TCF4: variants seen among roughly 807,000 people sequenced by gnomAD.
The protein encoded by TCF4 is transcription factor 4.
In TCF4, 3 loss-of-function variants were observed where a neutral mutation model predicts 82.1. The ratio of observed to expected loss-of-function variants is 0.04; its 90% CI spans 0.02 to 0.09. The LOEUF is 0.09. TCF4 is among the 10% of genes least tolerant of loss of function. The pLI is 1.00. For missense variants in TCF4, 518 were observed against 852.7 expected (o/e 0.61, Z 4.89); for synonymous variants, 276 against 309.6 (o/e 0.89, Z 1.14).
At chr18:55,328,364 G>A (rs1365601029) in intron 8 of TCF4, among the ~76,000 whole-genome samples, 1 of 151,294 alleles carries the variant, frequency 6.6e-6, no homozygotes, top group African/African-American at 2.4e-5. Context: ...TTTCCCTTGG[G>A]ATAAGTGGAA....
intron 3 of TCF4, among the ~76,000 whole-genome samples, chr18:55,527,831 T>C (rs2097006285): frequency 6.6e-6 from 1 of 152,182 alleles, no homozygotes; most frequent in Non-Finnish European, 1.5e-5. Flanking sequence ...GAGGAAGTTA[T>C]GAAAAGTGGT....
chr18:55,492,333 A>C (rs1246603557), intron 3 of TCF4: 1 of 152,190 alleles, frequency 6.6e-6, no homozygotes, highest in Non-Finnish European at 1.5e-5. Flanking sequence ...GTATGAATTT[A>C]ATGTTCATGT....
chr18:55,484,630 T>C (rs2096489790), intron 3 of TCF4, among the ~76,000 whole-genome samples: 1 of 152,204 alleles, frequency 6.6e-6, no homozygotes. Context: ...AAACCAGTCC[T>C]TGTGTGGACA....
intron 6 of TCF4, among the ~76,000 whole-genome samples, chr18:55,364,104 T>A (rs921284109): frequency 6.6e-6 from 1 of 152,196 alleles, no homozygotes; most frequent in African/African-American, 2.4e-5. Context: ...CTAATGGGAA[T>A]GTAATCTGGT....
At chr18:55,621,952 T>C (rs1250024168) in intron 2 of TCF4, among the ~76,000 whole-genome samples, 2 of 113,490 alleles carry the variant, frequency 1.8e-5, no homozygotes, top group African/African-American at 6.9e-5. Flanking sequence ...ACTATATATA[T>C]TATATATACA....
chr18:55,359,378 A>G (rs2084472867), intron 6 of TCF4, among the ~76,000 whole-genome samples: 1 of 152,094 alleles, frequency 6.6e-6, no homozygotes, highest in Admixed American at 6.6e-5. Context: ...GAAAAATTCA[A>G]CTGTTGTAAC....
Position 55,464,076 on chromosome 18 carries a change from C to G in TCF4, c.207G>C (p.Arg69Ser), listed in dbSNP as rs759654604. 2 of 1,613,122 alleles carry G rather than the reference C, an allele frequency of 1.2e-6. No homozygotes were observed. The highest frequency in any genetic ancestry group is 1.7e-6 in the Non-Finnish European group (2 of 1,179,570). Reference sequence around the variant, plus strand: ...GGGAGAAAAGATTAGATATACTTACCCTGGACGGGCTTGGATGTCCTCCAT... The same window carrying G: ...GGGAGAAAAGATTAGATATACTTACGCTGGACGGGCTTGGATGTCCTCCAT... ...WGNGGHPSPS[R>S]NYGDGTPYDH... The change falls in exon 4 of 20, where the codon AGG becomes AGC. Residue 69 changes from arginine to serine, a missense_variant and splice_region_variant. By Grantham distance (110) the Arg-to-Ser change is moderately radical. This residue lies in a region of TCF4 where 80 missense variants were observed against 93.8 expected (regional missense o/e 0.85). Transcript: ENST00000354452.
chr18:55,554,427 A>G (rs2097287011), intron 3 of TCF4, among the ~76,000 whole-genome samples: 2 of 152,006 alleles, frequency 1.3e-5, no homozygotes, highest in East Asian at 3.9e-4. Context: ...TTCCCTATAT[A>G]TTCTTCTCTG....
At chr18:55,301,896 C>G (rs2068441153) in intron 8 of TCF4, among the ~76,000 whole-genome samples, 1 of 151,310 alleles carries the variant, frequency 6.6e-6, no homozygotes, top group Admixed American at 6.6e-5. Context: ...GATTCATCCT[C>G]GTTTAGGTTG....
rs369825168 is a variant in TCF4, at chr18:55,228,461, T to C, written c.1880-100A>G. ...GCGTGTCTGACCTTTTTCTCAGTGT[T>C]TATATTACAGAACAAAAGGAACAGT... On this transcript the variant is annotated intron_variant, in intron 18 of 19. Coordinates refer to ENST00000354452, the MANE Select transcript of TCF4 (RefSeq NM_001083962.2). 5.4e-5 allele frequency: 81 copies of C among 1,511,810 alleles called. No individual in the cohort carries two copies. In the East Asian group the frequency reaches 1.4e-3, roughly 26 times the overall value. The allele number at this position is 1,511,810 out of a possible 1,614,324, so 93.6% of individuals were successfully genotyped here.
chr18:55,373,873 GAAATGCTTAAAAAAAACTAAGCATTTTTA>G (rs2090034599), intron 6 of TCF4, among the ~76,000 whole-genome samples: 1 of 151,856 alleles, frequency 6.6e-6, no homozygotes, highest in Non-Finnish European at 1.5e-5. Context: ...AAATGCATAT[GAAATGCTTAAAAAAAACTAAGCATTTTTA>G]AAAATCCTAC....
rs2097646715 is a variant in TCF4 at position 55,586,158 on chromosome 18, GCAGCAGCAGCAGCAGCAGC to G, written c.73-825_73-807del. 62 of 119,182 alleles carry G rather than the reference GCAGCAGCAGCAGCAGCAGC, an allele frequency of 5.2e-4. 4 individuals are homozygous for G. Among genetic ancestry groups the G allele is most frequent in the African/African-American group, 5.0e-3 (31 of 6,156 alleles). 7.4% of individuals were successfully genotyped at this position (119,182 alleles called of 1,614,324 possible). On this transcript the variant is annotated intron_variant, in intron 2 of 19. Transcript: ENST00000354452. ...AGAAGGAGGAGGAGGAGGAGGAGCAGCAGCAGCAGCAGCAGCAGCAGCAGCAGCAGCAGCAGCAGCAGCA... is the reference window on the plus strand; with the variant it reads ...AGAAGGAGGAGGAGGAGGAGGAGCAGAGCAGCAGCAGCAGCAGCAGCAGCA...
At chr18:55,360,013 G>T (rs1009733503) in intron 6 of TCF4, among the ~76,000 whole-genome samples, 2 of 152,202 alleles carry the variant, frequency 1.3e-5, no homozygotes, top group Non-Finnish European at 2.9e-5. Context: ...AAAGAATTTG[G>T]AACAGGTGGG....
At chr18:55,416,027 A>C (rs76081485) in intron 5 of TCF4, among the ~76,000 whole-genome samples, 1 of 152,154 alleles carries the variant, frequency 6.6e-6, no homozygotes, top group East Asian at 1.9e-4. Context: ...TTTGTGCTTG[A>C]TTGATTACTT....
chr18:55,537,799 A>C (rs554283368), intron 3 of TCF4, among the ~76,000 whole-genome samples: 1 of 152,116 alleles, frequency 6.6e-6, no homozygotes, highest in Non-Finnish European at 1.5e-5. Context: ...TTTGTCATTC[A>C]AAGGGACAGG....
chr18:55,285,985 A>G (rs2063585937), intron 8 of TCF4, among the ~76,000 whole-genome samples: 3 of 152,134 alleles, frequency 2.0e-5, no homozygotes, highest in South Asian at 4.1e-4. Context: ...TTTTTTTCTA[A>G]CCATCTGCCA....
intron 8 of TCF4, among the ~76,000 whole-genome samples, chr18:55,318,917 T>C (rs2074812714): frequency 6.6e-6 from 1 of 152,194 alleles, no homozygotes; most frequent in African/African-American, 2.4e-5. Flanking sequence ...AATCACTGTG[T>C]TTTGGAATGA....
At chr18:55,242,018 G>A (rs1235981388) in intron 15 of TCF4, among the ~76,000 whole-genome samples, 1 of 152,142 alleles carries the variant, frequency 6.6e-6, no homozygotes, top group Non-Finnish European at 1.5e-5. Flanking sequence ...CTCATCTGCT[G>A]GGTTAACGCC....
rs1423665829 is a variant in TCF4 at position 55,227,256 on chromosome 18, A to G, written c.*779T>C. 6.6e-6 allele frequency: 1 copy of G among 152,108 alleles called. No individual in the cohort carries two copies. Among genetic ancestry groups the G allele is most frequent in the Admixed American group, 6.6e-5 (1 of 15,234 alleles). The allele number at this position is 152,108 out of a possible 1,614,324, so 9.4% of individuals were successfully genotyped here. A position where few individuals can be genotyped will look rare whatever the true frequency, so the allele number is the denominator to read the frequency against. The stretch of plus-strand genomic sequence containing the variant: ...AGGGACAGAAATAAGACCAAAAAAA[A>G]AAAAATCCATATTTACAGTAAAATC... On this transcript the variant is annotated 3_prime_UTR_variant, in exon 20 of 20. Coordinates refer to ENST00000354452, the MANE Select transcript of TCF4 (RefSeq NM_001083962.2).
Sources: allele counts gnomAD v4.1 joint callset (sites outside exome capture counted in the v4.1 genomes callset), GRCh38; gene constraint gnomAD v4.1.1; regional missense constraint gnomAD v4.1.1; transcripts MANE v1.5; gene names NCBI Gene and HGNC (gene_info 2026-07-23, HGNC 2026-07-21).